Variants in NIPAL2 observed in about 807,000 individuals in gnomAD.
NIPAL2 encodes NIPA-like protein 2.
Under a neutral mutation model 48.9 loss-of-function variants are expected in NIPAL2, and 43 were observed. The observed-to-expected ratio is 0.88, with a 90% CI of 0.69 to 1.13. NIPAL2 has a LOEUF of 1.13. Among genes scored for constraint, NIPAL2 ranks in the 50% most tolerant of loss-of-function variants. The pLI, the probability that NIPAL2 is intolerant of heterozygous loss-of-function variation, is 0.00. For missense variants in NIPAL2, 446 were observed against 461.4 expected (o/e 0.97, Z 0.31); for synonymous variants, 167 against 174.6 (o/e 0.96, Z 0.34).
At chr8:98,193,362 A>G (rs1810386388) in intron 10 of NIPAL2, 4 of 1,613,704 alleles carry the variant, frequency 2.5e-6, no homozygotes, top group Admixed American at 1.7e-5. Context: ...TAGTCTGGAG[A>G]TTCACATGAA....
intron 5 of NIPAL2, among the ~76,000 whole-genome samples, chr8:98,214,554 A>T (rs1563493102): frequency 6.7e-6 from 1 of 149,454 alleles, no homozygotes; most frequent in African/African-American, 2.4e-5. Flanking sequence ...ACCATCACTA[A>T]TTTTTTTTCT....
Position 98,289,906 on chromosome 8 carries a change from C to G in NIPAL2, c.135+4097G>C, listed in dbSNP as rs577301541. Among the ~76,000 whole-genome samples the G allele has an allele frequency of 2.0e-5, 3 of 152,230 alleles. No individual in the cohort carries two copies. In the South Asian group the frequency reaches 6.2e-4, roughly 32 times the overall value. On this transcript the variant is annotated intron_variant, in intron 1 of 10. Transcript: ENST00000430223. ...AGAAAAGAGATAGATGGTAGCAAAG[C>G]AAAATTAATAAAAGGGTAATATAAA... is the stretch of plus-strand genomic sequence containing the variant.
In NIPAL2 at chr8:98,242,402, G is replaced by T. The variant is rs372682930; in HGVS notation, c.377-6188C>A. ...GAGTCTCACTATGTTGCCCAGGCTG[G>T]TCTCAAACGTCTGGGCTCAATTGAT... On this transcript the variant is annotated intron_variant, in intron 3 of 10. Transcript: ENST00000430223. 4.9e-4 allele frequency among the ~76,000 whole-genome samples: 75 copies of T among 151,868 alleles called. 1 individual carries two copies. The South Asian group carries it at 0.014, about 29-fold the overall frequency.
intron 3 of NIPAL2, among the ~76,000 whole-genome samples, chr8:98,242,147 A>G (rs1299264945): frequency 6.6e-6 from 1 of 152,188 alleles, no homozygotes; most frequent in African/African-American, 2.4e-5. Flanking sequence ...GTTAATAGTG[A>G]TACATATTTC....
chr8:98,239,374 A>G (rs1461531606), intron 3 of NIPAL2, among the ~76,000 whole-genome samples: 1 of 152,208 alleles, frequency 6.6e-6, no homozygotes, highest in Non-Finnish European at 1.5e-5. Context: ...CCCTTGAAGT[A>G]AGAAAACACA....
chr8:98,268,901 AC>A (rs1460941439), intron 1 of NIPAL2, among the ~76,000 whole-genome samples: 5 of 152,314 alleles, frequency 3.3e-5, no homozygotes, highest in Non-Finnish European at 7.4e-5. Flanking sequence ...ATATTTTATT[AC>A]CAAAAATGCT....
chr8:98,275,999 A>G (rs1279534504), intron 1 of NIPAL2, among the ~76,000 whole-genome samples: 3 of 152,156 alleles, frequency 2.0e-5, no homozygotes, highest in Non-Finnish European at 4.4e-5. Context: ...CAGATTTCCT[A>G]TTTTCTCCCT....
chr8:98,256,352 A>T (rs1586414171), intron 1 of NIPAL2, among the ~76,000 whole-genome samples: 1 of 152,274 alleles, frequency 6.6e-6, no homozygotes, highest in East Asian at 1.9e-4. Context: ...ATCAACACAC[A>T]CTATCAACAG....
chr8:98,235,863 C>T (rs925510163), intron 4 of NIPAL2, among the ~76,000 whole-genome samples: 1 of 151,194 alleles, frequency 6.6e-6, no homozygotes, highest in African/African-American at 2.4e-5. Flanking sequence ...ATCCCTTCAA[C>T]TGATTAATAT....
chr8:98,243,848 A>AT (rs1338415771), intron 3 of NIPAL2, among the ~76,000 whole-genome samples: 17 of 152,342 alleles, frequency 1.1e-4, no homozygotes, highest in Middle Eastern at 3.4e-3. Flanking sequence ...AATTTGTAAC[A>AT]TTAAGACATA....
chr8:98,288,331 A>T (rs1342764217), intron 1 of NIPAL2, among the ~76,000 whole-genome samples: 2 of 149,140 alleles, frequency 1.3e-5, no homozygotes, highest in African/African-American at 2.5e-5. Flanking sequence ...GAGAATGATG[A>T]TTTCCAATTT....
chr8:98,210,419 T>C (rs1413669620), intron 6 of NIPAL2, among the ~76,000 whole-genome samples: 1 of 152,220 alleles, frequency 6.6e-6, no homozygotes, highest in Non-Finnish European at 1.5e-5. Flanking sequence ...TTTCTATTTT[T>C]GTTATTATTT....
intron 1 of NIPAL2, among the ~76,000 whole-genome samples, chr8:98,286,090 T>C (rs1438990869): frequency 6.6e-6 from 1 of 152,180 alleles, no homozygotes; most frequent in African/African-American, 2.4e-5. Flanking sequence ...AAAGCAACTT[T>C]GGCCCTCTCT....
chr8:98,215,808 C>T (rs1235911479), intron 5 of NIPAL2, among the ~76,000 whole-genome samples: 1 of 151,858 alleles, frequency 6.6e-6, no homozygotes, highest in African/African-American at 2.4e-5. Context: ...GGCCTTGTAC[C>T]TGTGAGGTTT....
At chr8:98,246,903 T>G (rs1005758903) in intron 3 of NIPAL2, among the ~76,000 whole-genome samples, 1 of 152,230 alleles carries the variant, frequency 6.6e-6, no homozygotes, top group South Asian at 2.1e-4. Context: ...GAGAGAAGTC[T>G]GCCATGAAGC....
intron 4 of NIPAL2, among the ~76,000 whole-genome samples, chr8:98,234,926 T>C (rs1004603870): frequency 3.9e-5 from 6 of 152,194 alleles, no homozygotes; most frequent in African/African-American, 1.4e-4. Context: ...AAAAAGGGTA[T>C]AGAAAAATAA....
At chr8:98,265,786 A>G (rs1676091540) in intron 1 of NIPAL2, among the ~76,000 whole-genome samples, 1 of 143,010 alleles carries the variant, frequency 7.0e-6, no homozygotes, top group Admixed American at 7.0e-5. Context: ...TACTGGGTAT[A>G]TACCCAAAGG....
intron 3 of NIPAL2, among the ~76,000 whole-genome samples, chr8:98,243,529 A>G (rs1346002275): frequency 1.3e-5 from 2 of 152,122 alleles, no homozygotes; most frequent in Non-Finnish European, 1.5e-5. Flanking sequence ...ACTCTCTGAA[A>G]TCCTTCAGTT....
intron 3 of NIPAL2, among the ~76,000 whole-genome samples, chr8:98,240,746 T>A (rs1288658289): frequency 6.6e-6 from 1 of 152,220 alleles, no homozygotes; most frequent in Non-Finnish European, 1.5e-5. Context: ...AAGACTTCCC[T>A]ACTGTTTTGT....
Sources: gnomAD v4.1 joint callset for allele counts (sites outside exome capture counted in the v4.1 genomes callset) on GRCh38, gnomAD v4.1.1 for gene constraint, MANE v1.5 for transcripts, NCBI Gene and HGNC (gene_info 2026-07-23, HGNC 2026-07-21) for gene names.